The following CCBE1 variants were observed in gnomAD, a reference collection of about 807,000 sequenced individuals.
The protein encoded by CCBE1 is collagen and calcium binding EGF domains 1, also known as collagen and calcium-binding EGF domain-containing protein 1.
In CCBE1, 37 loss-of-function variants were observed where a neutral mutation model predicts 50.0. That is an observed-to-expected ratio of 0.74 (90% CI 0.57 to 0.97). The LOEUF (loss-of-function observed/expected upper bound fraction) is 0.97. Ranked by LOEUF, CCBE1 falls within the 50% of genes least tolerant of loss-of-function variation. The pLI is 0.00. For synonymous variants in CCBE1, 234 were observed against 203.7 expected (o/e 1.15, Z -1.27); for missense variants, 538 against 523.8 (o/e 1.03, Z -0.26).
At chr18:59,599,756 A>G (rs1407569132) in intron 2 of CCBE1, among the ~76,000 whole-genome samples, 1 of 152,232 alleles carries the variant, frequency 6.6e-6, no homozygotes, top group Non-Finnish European at 1.5e-5. Flanking sequence ...AATGCAGGCA[A>G]CACACATAGC....
intron 2 of CCBE1, among the ~76,000 whole-genome samples, chr18:59,664,674 T>C (rs1267658463): frequency 1.3e-5 from 2 of 152,178 alleles, no homozygotes; most frequent in Non-Finnish European, 2.9e-5. Context: ...TCTACCGATC[T>C]GTCTCAGGAA....
At chr18:59,470,499 T>C (rs1197041530) in intron 3 of CCBE1, among the ~76,000 whole-genome samples, 1 of 152,164 alleles carries the variant, frequency 6.6e-6, no homozygotes, top group Non-Finnish European at 1.5e-5. Context: ...ACTGTATAAG[T>C]GTGCATCCTG....
At position 59,466,838 on chromosome 18, in the gene CCBE1, T is replaced by C; in HGVS notation, c.454A>G (p.Asn152Asp). The change falls in exon 5 of 11, where the codon AAT becomes GAT. Residue 152 changes from asparagine to aspartate, a missense_variant. Asn to Asp is a conservative substitution (Grantham distance 23). Transcript: ENST00000439986. ...NGTLCAHICI[N>D]TLGSYRCECR... ...TCGCAGCGGTAGCTGCCCAAGGTAT[T>C]GATGCAGATGTGGGCACACAGCGTC... The C allele has an allele frequency of 6.2e-7, 1 of 1,613,756 alleles. No homozygotes were observed. The highest frequency in any genetic ancestry group is 8.5e-7 in the Non-Finnish European group (1 of 1,179,910).
chr18:59,681,562 A>C (rs2054588512), intron 2 of CCBE1, among the ~76,000 whole-genome samples: 2 of 152,192 alleles, frequency 1.3e-5, no homozygotes, highest in African/African-American at 2.4e-5. Flanking sequence ...GTGTTCTGCT[A>C]TCCTATGGCA....
chr18:59,684,498 C>T (rs1016829685), intron 2 of CCBE1, among the ~76,000 whole-genome samples: 3 of 152,184 alleles, frequency 2.0e-5, no homozygotes, highest in South Asian at 2.1e-4. Flanking sequence ...TAGGTTGCCA[C>T]GCTCAAACTA....
intron 2 of CCBE1, among the ~76,000 whole-genome samples, chr18:59,589,577 C>G (rs1402537981): frequency 1.3e-5 from 2 of 152,022 alleles, no homozygotes; most frequent in Non-Finnish European, 2.9e-5. Context: ...GGGTGGATCA[C>G]GAGGCCAGGA....
In CCBE1 at chr18:59,565,130, G is replaced by A. The variant is rs146776922; in HGVS notation, c.213-84892C>T. Among the ~76,000 whole-genome samples the A allele has an allele frequency of 1.1e-4, 16 of 152,340 alleles. No homozygotes were observed. The East Asian group carries it at 1.9e-3, about 18-fold the overall frequency. On this transcript the variant is annotated intron_variant, in intron 2 of 10. Transcript: ENST00000439986. ...CAAGGGCCACCCTTCAGGGGAGCAC[G>A]AGGAGTCCACTCTGGAGTCTGTCAT...
At chr18:59,504,254 A>G (rs780482650) in intron 2 of CCBE1, among the ~76,000 whole-genome samples, 1 of 152,168 alleles carries the variant, frequency 6.6e-6, no homozygotes, top group Non-Finnish European at 1.5e-5. Flanking sequence ...AAGAAAATAG[A>G]TTTTTTAAAT....
intron 2 of CCBE1, among the ~76,000 whole-genome samples, chr18:59,513,075 A>G (rs145497706): frequency 1.4e-3 from 209 of 152,318 alleles, no homozygotes; most frequent in African/African-American, 4.9e-3. Context: ...GCACTTTGGG[A>G]GGCGGGTGGA....
intron 3 of CCBE1, among the ~76,000 whole-genome samples, chr18:59,470,627 G>A (rs777328109): frequency 8.5e-5 from 13 of 152,130 alleles, no homozygotes; most frequent in Non-Finnish European, 1.8e-4. Context: ...AAAGAATTAG[G>A]GCATCTGCTC....
chr18:59,596,380 A>G (rs2053351033), intron 2 of CCBE1, among the ~76,000 whole-genome samples: 1 of 152,164 alleles, frequency 6.6e-6, no homozygotes, highest in Admixed American at 6.5e-5. Flanking sequence ...CTTGTTCAAC[A>G]CTGAAGGTGT....
intron 2 of CCBE1, among the ~76,000 whole-genome samples, chr18:59,672,557 T>C (rs2054446926): frequency 1.3e-5 from 2 of 152,216 alleles, no homozygotes; most frequent in Admixed American, 1.3e-4. Context: ...GCATTTCTGC[T>C]GGCATCCAGC....
At chr18:59,438,763 G>A (rs1363109107) in intron 9 of CCBE1, among the ~76,000 whole-genome samples, 1 of 152,158 alleles carries the variant, frequency 6.6e-6, no homozygotes, top group African/African-American at 2.4e-5. Flanking sequence ...AGTTCTATCT[G>A]GTATCTGTGT....
At chr18:59,607,793 G>C (rs1240419143) in intron 2 of CCBE1, among the ~76,000 whole-genome samples, 1 of 152,156 alleles carries the variant, frequency 6.6e-6, no homozygotes, top group Non-Finnish European at 1.5e-5. Flanking sequence ...GGGGATGAAC[G>C]GCCAGGCGCA....
chr18:59,686,095 C>A (rs1192147336), intron 2 of CCBE1: 2 of 152,174 alleles, frequency 1.3e-5, no homozygotes, highest in African/African-American at 4.8e-5. Context: ...CAATGATGAA[C>A]AGAATTTCAT....
intron 2 of CCBE1, among the ~76,000 whole-genome samples, chr18:59,579,906 T>G (rs369175990): frequency 2.6e-5 from 4 of 151,980 alleles, no homozygotes; most frequent in African/African-American, 9.7e-5. Flanking sequence ...GCTGAGCACA[T>G]GAAAAAAAAG....
chr18:59,440,748 G>C (rs996714223), intron 7 of CCBE1, among the ~76,000 whole-genome samples: 1 of 152,134 alleles, frequency 6.6e-6, no homozygotes, highest in African/African-American at 2.4e-5. Context: ...ATATGGGGAA[G>C]ATCATCTCAC....
chr18:59,642,801 T>C (rs1328412393), intron 2 of CCBE1, among the ~76,000 whole-genome samples: 1 of 151,480 alleles, frequency 6.6e-6, no homozygotes, highest in East Asian at 1.9e-4. Flanking sequence ...TACAAAAAAT[T>C]AGCCAGGCGT....
At chr18:59,533,936 C>T (rs1442889654) in intron 2 of CCBE1, among the ~76,000 whole-genome samples, 1 of 152,190 alleles carries the variant, frequency 6.6e-6, no homozygotes, top group Non-Finnish European at 1.5e-5. Flanking sequence ...ATGGCAATCA[C>T]CAAGTGTTTC....
Sources: gnomAD v4.1 joint callset for allele counts (sites outside exome capture counted in the v4.1 genomes callset) on GRCh38, gnomAD v4.1.1 for gene constraint, MANE v1.5 for transcripts, NCBI Gene and HGNC (gene_info 2026-07-23, HGNC 2026-07-21) for gene names.